KDM5A: variants seen among roughly 807,000 people sequenced by gnomAD.
The protein encoded by KDM5A is lysine demethylase 5A.
Under a neutral mutation model 193.5 loss-of-function variants are expected in KDM5A, and 42 were observed. That is an observed-to-expected ratio of 0.22 (90% CI 0.17 to 0.28). The LOEUF is 0.28. Ranked by LOEUF, KDM5A falls within the 10% of genes least tolerant of loss-of-function variation. KDM5A has a pLI of 1.00. For missense variants in KDM5A, 1,692 were observed against 2,055.1 expected (o/e 0.82, Z 3.42); for synonymous variants, 796 against 718.1 (o/e 1.11, Z -1.73).
chr12:310,203 G>T (rs1408808151), intron 21 of KDM5A, among the ~76,000 whole-genome samples: 2 of 152,158 alleles, frequency 1.3e-5, no homozygotes, highest in East Asian at 3.9e-4. Context: ...AGGACACAGG[G>T]TTAGCAATTA....
At position 283,791 on chromosome 12, in the gene KDM5A, C is replaced by G. The variant is rs1181865952; in HGVS notation, c.*1665G>C. ...AAATAAAGACACCAGACAGTGATGA[C>G]AAAACACTATTTTTAGTCATTTTTT... On this transcript the variant is annotated 3_prime_UTR_variant, in exon 28 of 28. Transcript: ENST00000399788. The G allele has an allele frequency of 4.4e-6, 1 of 229,088 alleles. No homozygotes were observed. The highest frequency in any genetic ancestry group is 6.1e-5 in the East Asian group (1 of 16,430). 14.2% of individuals were successfully genotyped at this position (229,088 alleles called of 1,614,324 possible).
At chr12:388,377 A>G in intron 1 of KDM5A, 1 of 441,704 alleles carries the variant, frequency 2.3e-6, no homozygotes, top group Non-Finnish European at 4.5e-6. Flanking sequence ...TTTTTCCTAA[A>G]CCTCTAAATT....
At chr12:371,132 G>C (rs1213998204) in intron 3 of KDM5A, among the ~76,000 whole-genome samples, 4 of 152,210 alleles carry the variant, frequency 2.6e-5, no homozygotes, top group Non-Finnish European at 5.9e-5. Flanking sequence ...TATATACCCA[G>C]TAATGGGATG....
intron 18 of KDM5A, among the ~76,000 whole-genome samples, chr12:320,337 A>G (rs1455446677): frequency 6.6e-6 from 1 of 152,074 alleles, no homozygotes; most frequent in Admixed American, 6.5e-5. Context: ...CTCTACTAAA[A>G]CTATAAAAAT....
At chr12:388,448 AGTCTGGAGTTCTT>A (rs1944675506) in intron 1 of KDM5A, 1 of 393,056 alleles carries the variant, frequency 2.5e-6, no homozygotes. Context: ...GGCAATAATT[AGTCTGGAGTTCTT>A]GTCTAGTAAT....
intron 3 of KDM5A, among the ~76,000 whole-genome samples, chr12:381,792 A>C (rs1177867783): frequency 6.9e-6 from 1 of 144,100 alleles, no homozygotes; most frequent in African/African-American, 2.6e-5. Context: ...GTATCATAAA[A>C]GATAATTTAA....
chr12:352,918 TTC>T (rs1944181595), intron 8 of KDM5A, among the ~76,000 whole-genome samples: 1 of 152,208 alleles, frequency 6.6e-6, no homozygotes, highest in Non-Finnish European at 1.5e-5. Flanking sequence ...AGCTAACTCC[TTC>T]TCTTTAATGT....
chr12:370,716 TTAAC>T (rs1369147593), intron 3 of KDM5A, among the ~76,000 whole-genome samples: 8 of 152,194 alleles, frequency 5.3e-5, no homozygotes, highest in Admixed American at 6.5e-5. Context: ...GCTGCACACA[TTAAC>T]TAATCACTTA....
At chr12:343,751 C>T (rs907792689) in intron 10 of KDM5A, among the ~76,000 whole-genome samples, 1 of 152,198 alleles carries the variant, frequency 6.6e-6, no homozygotes, top group Non-Finnish European at 1.5e-5. Flanking sequence ...TACCAAAACC[C>T]CATCTGTAGA....
At chr12:311,986 A>T (rs1049998276) in intron 20 of KDM5A, among the ~76,000 whole-genome samples, 1 of 152,188 alleles carries the variant, frequency 6.6e-6, no homozygotes, top group Non-Finnish European at 1.5e-5. Flanking sequence ...GTGAGCCAAG[A>T]TCACACCACT....
intron 8 of KDM5A, 142 bp from the exon 9 acceptor site, chr12:352,466 A>G: frequency 1.4e-6 from 1 of 730,864 alleles, no homozygotes; most frequent in Non-Finnish European, 2.4e-6. Flanking sequence ...AATATCAGCT[A>G]CTTACAATAC....
At chr12:378,917 CT>C (rs1163255664) in intron 3 of KDM5A, among the ~76,000 whole-genome samples, 2 of 147,760 alleles carry the variant, frequency 1.4e-5, no homozygotes, top group East Asian at 4.0e-4. Flanking sequence ...CAAAATCGTG[CT>C]GCTGCACTCC....
intron 1 of KDM5A, among the ~76,000 whole-genome samples, chr12:387,685 C>T (rs1944654739): frequency 6.6e-6 from 1 of 152,168 alleles, no homozygotes. Context: ...CCCAAGATCA[C>T]ACATTTGGTG....
chr12:366,484 AAAAT>A (rs1219221316), intron 3 of KDM5A, among the ~76,000 whole-genome samples: 2 of 152,256 alleles, frequency 1.3e-5, no homozygotes, highest in Non-Finnish European at 2.9e-5. Context: ...TATATAATAC[AAAAT>A]AAACATAAAT....
chr12:357,590 G>A (rs555398008), intron 5 of KDM5A, among the ~76,000 whole-genome samples: 11 of 152,038 alleles, frequency 7.2e-5, no homozygotes, highest in African/African-American at 1.4e-4. Context: ...AGCACTTTGG[G>A]AGGCCGAGGC....
chr12:307,205 T>C lies in KDM5A; in HGVS notation c.3931-116A>G. On this transcript the variant is annotated intron_variant, in intron 23 of 27. Coordinates refer to ENST00000399788, the MANE Select transcript of KDM5A (RefSeq NM_001042603.3). This position sits in a 1 kb window ranked among gnomAD's most constrained non-coding sequence, Gnocchi z 4.3. ...ATAAGCAAAGTGGCTAACAGAGTTC[T>C]TCAACAGTTAGTAGAAATCAAATTA... 8.1e-7 allele frequency: 1 copy of C among 1,232,032 alleles called. No homozygotes were observed. Among genetic ancestry groups the C allele is most frequent in the South Asian group, 1.2e-5 (1 of 80,620 alleles). The allele number at this position is 1,232,032 out of a possible 1,614,324, so 76.3% of individuals were successfully genotyped here.
chr12:317,100 C>T (rs1245204546), intron 19 of KDM5A, among the ~76,000 whole-genome samples: 1 of 152,130 alleles, frequency 6.6e-6, no homozygotes, highest in African/African-American at 2.4e-5. Flanking sequence ...GATATAAACA[C>T]TTTATTTAAA....
rs556307555 is a variant in KDM5A at position 334,312 on chromosome 12, C to T, written c.1419G>A (p.Val473=). ...AGCAAAAAGAAGAGAAGCACATTCC[C>T]ACATAGAGCCACGGCACTTTCATAC... ...ISGMKVPWLY[V]GMCFSSFCWH... The change falls in exon 11 of 28, where the codon GTG becomes GTA. Residue 473 remains valine (V), a synonymous_variant. Transcript: ENST00000399788. 6.2e-7 allele frequency: 1 copy of T among 1,614,080 alleles called. No homozygotes were observed. The highest frequency in any genetic ancestry group is 2.2e-5 in the East Asian group (1 of 44,870).
intron 4 of KDM5A, among the ~76,000 whole-genome samples, chr12:364,333 G>A (rs1160462161): frequency 6.6e-6 from 1 of 152,112 alleles, no homozygotes; most frequent in East Asian, 1.9e-4. Flanking sequence ...TTAGCTGGGG[G>A]TGGTGGCATG....
Sources: gnomAD v4.1 joint callset for allele counts (sites outside exome capture counted in the v4.1 genomes callset) on GRCh38, gnomAD v4.1.1 for gene constraint, Gnocchi (gnomAD v3.1) non-coding constraint, MANE v1.5 for transcripts, NCBI Gene and HGNC (gene_info 2026-07-23, HGNC 2026-07-21) for gene names.